Variants in GLB1 observed in about 807,000 individuals in gnomAD.
GLB1 encodes beta-galactosidase.
A neutral mutation model predicts 74.0 loss-of-function variants in GLB1; 56 were observed. The ratio of observed to expected loss-of-function variants is 0.76; its 90% CI spans 0.61 to 0.94. The LOEUF is 0.94. Ranked by LOEUF, GLB1 falls within the 40% of genes least tolerant of loss-of-function variation. The pLI is 0.00. For missense variants in GLB1, 787 were observed against 845.5 expected (o/e 0.93, Z 0.86); for synonymous variants, 323 against 323.6 (o/e 1.00, Z 0.02).
intron 15 of GLB1, among the ~76,000 whole-genome samples, chr3:32,998,116 G>A (rs1696391250): frequency 6.6e-6 from 1 of 152,226 alleles, no homozygotes; most frequent in Non-Finnish European, 1.5e-5. Context: ...AGTAGGGGAA[G>A]CTGCTTCCCA....
chr3:33,033,021 T>C (rs1463666243), intron 10 of GLB1, among the ~76,000 whole-genome samples: 1 of 152,182 alleles, frequency 6.6e-6, no homozygotes, highest in Non-Finnish European at 1.5e-5. Context: ...TCAGTTAAAG[T>C]AGGGATTTAC....
chr3:33,075,183 T>C (rs148932264), intron 1 of GLB1, among the ~76,000 whole-genome samples: 61 of 152,300 alleles, frequency 4.0e-4, no homozygotes, highest in African/African-American at 1.4e-3. Context: ...CATGGCTAAG[T>C]GTCAAATAAG....
At chr3:32,962,728 A>C in the GLB1 span, among the ~76,000 whole-genome samples, 8 of 151,408 alleles carry the variant, frequency 5.3e-5, no homozygotes, top group African/African-American at 1.9e-4. Flanking sequence ...ATAAATAATA[A>C]TTAAAATATA....
At chr3:33,058,046 A>G (rs1422336372) in intron 6 of GLB1, 43 bp downstream of exon 6, 1 of 1,611,596 alleles carries the variant, frequency 6.2e-7, no homozygotes, top group East Asian at 2.2e-5. Context: ...ACTGAGTAAA[A>G]AGCTGATTTT....
chr3:32,996,859 C>T lies in GLB1; in HGVS notation c.*186G>A. ...ACGTTACTGTGCTGTCAGCCCCTCA[C>T]ACATTCCAGGTGGTCCCTGAAGGTG... On this transcript the variant is annotated 3_prime_UTR_variant, in exon 16 of 16. Coordinates refer to ENST00000307363, the MANE Select transcript of GLB1 (RefSeq NM_000404.4). The T allele has an allele frequency of 9.6e-7, 1 of 1,039,108 alleles. No homozygotes were observed. Among genetic ancestry groups the T allele is most frequent in the Non-Finnish European group, 1.4e-6 (1 of 716,776 alleles). 64.4% of individuals were successfully genotyped at this position (1,039,108 alleles called of 1,614,324 possible). A position where few individuals can be genotyped will look rare whatever the true frequency, so the allele number is the denominator to read the frequency against.
chr3:32,994,643 A>G (rs6550188), downstream of GLB1, among the ~76,000 whole-genome samples: 106,485 of 152,022 alleles, frequency 0.7, 37,957 homozygotes, highest in Admixed American at 0.83. Flanking sequence ...TTTTCTGGCC[A>G]GGCGCAGTGG....
At chr3:33,050,109 C>T (rs1172653942) in intron 9 of GLB1, among the ~76,000 whole-genome samples, 3 of 152,182 alleles carry the variant, frequency 2.0e-5, no homozygotes, top group Non-Finnish European at 4.4e-5. Context: ...AAAGCCAGTA[C>T]AGCATCATCT....
At chr3:33,018,680 T>C in intron 12 of GLB1, 119 bp from the exon 13 acceptor site, 1 of 1,073,262 alleles carries the variant, frequency 9.3e-7, no homozygotes, top group Middle Eastern at 2.5e-4. Context: ...AAAATCTTCC[T>C]CCACCTCCCG....
At chr3:33,053,824 C>T (rs1699103948) in intron 6 of GLB1, among the ~76,000 whole-genome samples, 1 of 152,028 alleles carries the variant, frequency 6.6e-6, no homozygotes, top group Non-Finnish European at 1.5e-5. Flanking sequence ...GACCACCTGG[C>T]CAACATGGTG....
chr3:33,065,968 C>CA (rs35555652), intron 4 of GLB1, among the ~76,000 whole-genome samples: 11,386 of 123,714 alleles, frequency 0.092, 1,522 homozygotes, highest in African/African-American at 0.3. Context: ...AACTCTGTCT[C>CA]AAAAAAAAAA....
Position 33,068,212 on chromosome 3 carries a change from A to G in GLB1, c.457+18T>C. 6.2e-7 allele frequency: 1 copy of G among 1,614,052 alleles called. No individual in the cohort carries two copies. The highest frequency in any genetic ancestry group is 8.5e-7 in the Non-Finnish European group (1 of 1,179,984). On this transcript the variant is annotated intron_variant, in intron 4 of 15. Transcript: ENST00000307363. ...TGAAGCTTTTATAAATCTTCTCAAGACATCTGTAACAACCTACCTGGGTCG... is the reference window on the plus strand; with the variant it reads ...TGAAGCTTTTATAAATCTTCTCAAGGCATCTGTAACAACCTACCTGGGTCG...
At chr3:33,017,179 A>G (rs1209835300) in intron 13 of GLB1, among the ~76,000 whole-genome samples, 8 of 152,234 alleles carry the variant, frequency 5.3e-5, no homozygotes, top group Admixed American at 5.2e-4. Context: ...TTCTGACAGC[A>G]CAAAAGTCAC....
intron 10 of GLB1, chr3:33,033,767 C>T (rs187284581): frequency 3.5e-4 from 99 of 279,520 alleles, no homozygotes; most frequent in African/African-American, 2.3e-3. Context: ...GGTGACAGAG[C>T]GAGACTGTCT....
chr3:33,089,785 T>C (rs923449212), intron 1 of GLB1, among the ~76,000 whole-genome samples: 1 of 152,174 alleles, frequency 6.6e-6, no homozygotes, highest in African/African-American at 2.4e-5. Context: ...TCAATGGGTA[T>C]ATAGATTTGC....
chr3:33,074,821 G>A (rs59834381), intron 1 of GLB1, among the ~76,000 whole-genome samples: 17,062 of 152,152 alleles, frequency 0.11, 1,203 homozygotes, highest in East Asian at 0.36. Context: ...GGCTTTGGGG[G>A]TTGCCCTTGA....
At chr3:33,064,441 T>TG (rs556331999) in intron 5 of GLB1, among the ~76,000 whole-genome samples, 1 of 108,760 alleles carries the variant, frequency 9.2e-6, no homozygotes, top group Admixed American at 1.1e-4. Context: ...CTCTGTCTCC[T>TG]AAAAAAAAAA....
chr3:32,963,020 C>T, the GLB1 span, among the ~76,000 whole-genome samples: 2 of 152,004 alleles, frequency 1.3e-5, no homozygotes, highest in African/African-American at 4.8e-5. Context: ...TGAGGATACG[C>T]ATATTATAAA....
At chr3:33,077,060 T>TA (rs112485906) in intron 1 of GLB1, 50,278 of 712,840 alleles carry the variant, frequency 0.071, no homozygotes, top group South Asian at 0.097. Context: ...CCTGTCTCTA[T>TA]AAAAAAAAAA....
intron 1 of GLB1, chr3:33,096,408 A>G: frequency 3.6e-6 from 2 of 553,396 alleles, no homozygotes; most frequent in Non-Finnish European, 4.5e-6. Flanking sequence ...TCCCCCCCTC[A>G]ACCTGGACCC....
Sources: allele counts gnomAD v4.1 joint callset (sites outside exome capture counted in the v4.1 genomes callset), GRCh38; gene constraint gnomAD v4.1.1; transcripts MANE v1.5; gene names NCBI Gene and HGNC (gene_info 2026-07-23, HGNC 2026-07-21).